Variants in SYBU observed in about 807,000 individuals in gnomAD.
SYBU encodes the protein GOLSYN A protein.
Under a neutral mutation model 35.9 loss-of-function variants are expected in SYBU, and 21 were observed. That is an observed-to-expected ratio of 0.58 (90% confidence interval 0.41 to 0.84). The LOEUF is 0.84. Ranked by LOEUF, SYBU falls within the 40% of genes least tolerant of loss-of-function variation. The pLI, the probability that SYBU is intolerant of heterozygous loss-of-function variation, is 0.00. For missense variants in SYBU, 768 were observed against 848.2 expected, an observed-to-expected ratio of 0.91 and a Z score of 1.17; for synonymous variants, 319 against 324.3, an observed-to-expected ratio of 0.98 and a Z score of 0.18.
chr8:109,641,463 C>A (rs1814870579), intron 2 of SYBU, among the ~76,000 whole-genome samples: 1 of 152,226 alleles, frequency 6.6e-6, no homozygotes, highest in Non-Finnish European at 1.5e-5. Flanking sequence ...ATGGATGTAA[C>A]AACTAAGGCT....
chr8:109,576,127 A>ACTCTT (rs1249054253), intron 6 of SYBU, 114 bp from the exon 7 acceptor site: 2 of 1,253,490 alleles, frequency 1.6e-6, no homozygotes, highest in African/African-American at 3.0e-5. Context: ...AAGAGCTCAT[A>ACTCTT]CTCTTCCACT....
chr8:109,621,271 C>T (rs1333795316), intron 2 of SYBU, among the ~76,000 whole-genome samples: 2 of 152,170 alleles, frequency 1.3e-5, no homozygotes, highest in African/African-American at 4.8e-5. Context: ...AGTGCTAGTC[C>T]TTTCAAGGAT....
At chr8:109,649,770 CATT>C (rs1816041941), upstream of SYBU, among the ~76,000 whole-genome samples, 1 of 152,124 alleles carries the variant, frequency 6.6e-6, no homozygotes, top group Admixed American at 6.5e-5. Flanking sequence ...AATGGGGACA[CATT>C]GTTGGACAAG....
In SYBU at chr8:109,644,624, C is replaced by T; in HGVS notation, c.24+12G>A. 2 of 1,544,006 alleles carry T rather than the reference C, an allele frequency of 1.3e-6. No homozygotes were observed. The highest frequency in any genetic ancestry group is 8.7e-7 in the Non-Finnish European group (1 of 1,151,360). Reference sequence around the variant, plus strand: ...CCGCCCTCCAGTGCCCGCACTGCCCCGCGCTCCTTACCTTGCTCTCGCGGA... The same window carrying T: ...CCGCCCTCCAGTGCCCGCACTGCCCTGCGCTCCTTACCTTGCTCTCGCGGA... On this transcript the variant is annotated intron_variant, in intron 1 of 6. Coordinates refer to ENST00000276646, the MANE Select transcript of SYBU (RefSeq NM_001099754.2).
chr8:109,605,198 T>C (rs1204898431), intron 3 of SYBU, among the ~76,000 whole-genome samples: 3 of 152,190 alleles, frequency 2.0e-5, no homozygotes, highest in Admixed American at 6.5e-5. Flanking sequence ...GTGTGACTAA[T>C]AACAATGGAA....
chr8:109,658,995 T>G (rs928797122), intron 1 of SYBU, among the ~76,000 whole-genome samples: 1 of 152,010 alleles, frequency 6.6e-6, no homozygotes, highest in Non-Finnish European at 1.5e-5. Flanking sequence ...AAAAAAAACC[T>G]TCTGCATTCA....
At chr8:109,688,522 C>T (rs1817570735) in intron 1 of SYBU, among the ~76,000 whole-genome samples, 1 of 152,182 alleles carries the variant, frequency 6.6e-6, no homozygotes, top group African/African-American at 2.4e-5. Flanking sequence ...AAAAAACACC[C>T]TGATGTTGGT....
chr8:109,689,832 GAAAAAAA>G (rs544879954), intron 1 of SYBU, among the ~76,000 whole-genome samples: 3 of 102,738 alleles, frequency 2.9e-5, no homozygotes, highest in South Asian at 3.6e-4. Flanking sequence ...ACTACAATAT[GAAAAAAA>G]AAAAAAAAAA....
intron 3 of SYBU, among the ~76,000 whole-genome samples, chr8:109,612,978 A>T (rs1450203537): frequency 9.7e-5 from 10 of 103,378 alleles, no homozygotes. Context: ...AGACTCTGTT[A>T]AAAAAAAAAA....
intron 6 of SYBU, 71 bp from the exon 7 acceptor site, chr8:109,576,084 A>G: frequency 2.1e-6 from 3 of 1,441,970 alleles, no homozygotes; most frequent in East Asian, 4.9e-5. Context: ...TCAACTGGGC[A>G]ACAGGCAGTT....
At chr8:109,679,490 G>A (rs1218541703) in intron 1 of SYBU, among the ~76,000 whole-genome samples, 3 of 152,146 alleles carry the variant, frequency 2.0e-5, no homozygotes, top group Non-Finnish European at 4.4e-5. Flanking sequence ...CCCCTTTCTG[G>A]TAACATCTTC....
intron 1 of SYBU, among the ~76,000 whole-genome samples, chr8:109,653,026 C>A (rs1405079703): frequency 1.3e-5 from 2 of 152,128 alleles, no homozygotes; most frequent in South Asian, 2.1e-4. Context: ...CAATAGATTT[C>A]TTGGTCTCCT....
At chr8:109,618,339 A>T (rs547988989) in intron 3 of SYBU, among the ~76,000 whole-genome samples, 1 of 152,312 alleles carries the variant, frequency 6.6e-6, no homozygotes, top group African/African-American at 2.4e-5. Flanking sequence ...GAACATTTAC[A>T]TGTGTTTATA....
In SYBU at chr8:109,691,285, T is replaced by C. The variant is rs567535634; in HGVS notation, c.-58+48A>G. On this transcript the variant is annotated intron_variant, in intron 1 of 7. Coordinates refer to the SYBU transcript ENST00000422135. The surrounding 1 kb of genome is among the most constrained non-coding windows in gnomAD (Gnocchi z 4.7). ...CCGAAGACCATCAGTTGCCCTCCCG[T>C]GTCCGCGGGCACTGACAGCAGAGAC... The C allele has an allele frequency of 2.9e-6, 2 of 697,248 alleles. No individual in the cohort carries two copies. The highest frequency in any genetic ancestry group is 3.0e-5 in the South Asian group (2 of 66,860). 43.2% of individuals were successfully genotyped at this position (697,248 alleles called of 1,614,324 possible). A position where few individuals can be genotyped will look rare whatever the true frequency, so the allele number is the denominator to read the frequency against.
At chr8:109,576,042 TAAAAAA>T (rs71305959) in intron 6 of SYBU, 29 bp from the exon 7 acceptor site, 19,964 of 842,778 alleles carry the variant, frequency 0.024, 65 homozygotes, top group African/African-American at 0.067. Context: ...CATGGTTAAT[TAAAAAA>T]AAAAAAAAAA....
At chr8:109,607,615 A>G (rs1451389481) in intron 3 of SYBU, among the ~76,000 whole-genome samples, 1 of 152,214 alleles carries the variant, frequency 6.6e-6, no homozygotes, top group Non-Finnish European at 1.5e-5. Flanking sequence ...ATAATTGCCA[A>G]TGGTCAGTCT....
chr8:109,683,639 C>T (rs1207970439), upstream of SYBU, among the ~76,000 whole-genome samples: 1 of 152,038 alleles, frequency 6.6e-6, no homozygotes, highest in African/African-American at 2.4e-5. Context: ...GTTGGAAAGG[C>T]ATGATTGTGT....
In SYBU at chr8:109,574,897, A is replaced by T; in HGVS notation, c.*9T>A. ...GGACACATTGGCACACGGTAACAAC[A>T]ACTTCTATTTAGGTTTTGATACGGA... On this transcript the variant is annotated 3_prime_UTR_variant, in exon 7 of 7. Transcript: ENST00000276646. 2 of 1,512,102 alleles carry T rather than the reference A, an allele frequency of 1.3e-6. No homozygotes were observed. Among genetic ancestry groups the T allele is most frequent in the Non-Finnish European group, 1.8e-6 (2 of 1,130,320 alleles). The allele number at this position is 1,512,102 out of a possible 1,614,324, so 93.7% of individuals were successfully genotyped here. A position where few individuals can be genotyped will look rare whatever the true frequency, so the allele number is the denominator to read the frequency against.
intron 1 of SYBU, among the ~76,000 whole-genome samples, chr8:109,659,140 A>C (rs1362311633): frequency 6.6e-6 from 1 of 152,202 alleles, no homozygotes; most frequent in Non-Finnish European, 1.5e-5. Context: ...ACGATGAAAA[A>C]GAACTGGGCT....
Sources: gnomAD v4.1 joint callset for allele counts (sites outside exome capture counted in the v4.1 genomes callset) on GRCh38, gnomAD v4.1.1 for gene constraint, Gnocchi (gnomAD v3.1) non-coding constraint, MANE v1.5 for transcripts, NCBI Gene and HGNC (gene_info 2026-07-23, HGNC 2026-07-21) for gene names.